Variants in NMNAT2 observed in about 807,000 individuals in gnomAD.
NMNAT2 encodes the protein nicotinamide nucleotide adenylyltransferase 2.
In NMNAT2, 11 loss-of-function variants were observed where a neutral mutation model predicts 41.6. The observed-to-expected ratio is 0.26, with a 90% CI of 0.17 to 0.44. NMNAT2 has a LOEUF of 0.44. Among genes scored for constraint, NMNAT2 ranks in the 20% least tolerant of loss-of-function variants. The pLI is 1.00. For missense variants in NMNAT2, 288 were observed against 407.7 expected (o/e 0.71, Z 2.53); for synonymous variants, 148 against 151.2 (o/e 0.98, Z 0.16).
chr1:183,385,079 T>A (rs553006599), intron 1 of NMNAT2, among the ~76,000 whole-genome samples: 148 of 151,730 alleles, frequency 9.8e-4, no homozygotes, highest in Non-Finnish European at 1.6e-3. Context: ...TAAAAAAAAA[T>A]TAACTGACAC....
intron 1 of NMNAT2, among the ~76,000 whole-genome samples, chr1:183,412,444 C>T (rs1032335082): frequency 2.0e-5 from 3 of 152,152 alleles, no homozygotes; most frequent in East Asian, 1.9e-4. Context: ...AGGATGGTCT[C>T]GATCTCCTGA....
At chr1:183,411,760 A>T (rs1259134247) in intron 1 of NMNAT2, among the ~76,000 whole-genome samples, 1 of 152,152 alleles carries the variant, frequency 6.6e-6, no homozygotes, top group Non-Finnish European at 1.5e-5. Flanking sequence ...AAGAAATAAC[A>T]TGCTTTGTTT....
chr1:183,395,883 G>A (rs911868338), intron 1 of NMNAT2, among the ~76,000 whole-genome samples: 1 of 152,158 alleles, frequency 6.6e-6, no homozygotes, highest in Non-Finnish European at 1.5e-5. Context: ...ATAAAGGTGA[G>A]TGTGGCTTCT....
chr1:183,373,659 C>T (rs1362655254), intron 1 of NMNAT2, among the ~76,000 whole-genome samples: 1 of 151,584 alleles, frequency 6.6e-6, no homozygotes, highest in African/African-American at 2.4e-5. Flanking sequence ...ACTCTGTTGC[C>T]CAGGCTGGAG....
At chr1:183,261,148 G>A in intron 9 of NMNAT2, 54 bp downstream of exon 9, 1 of 1,602,514 alleles carries the variant, frequency 6.2e-7, no homozygotes, top group Admixed American at 1.7e-5. Flanking sequence ...CCAGCTGCCA[G>A]GACTCTCAGA....
At chr1:183,372,751 G>A (rs1008193010) in intron 1 of NMNAT2, among the ~76,000 whole-genome samples, 8 of 152,154 alleles carry the variant, frequency 5.3e-5, no homozygotes, top group South Asian at 2.1e-4. Flanking sequence ...GATCCTGGAC[G>A]GTGACCAAGA....
rs1008115975 is a variant in NMNAT2 at position 183,268,603 on chromosome 1, C to G, written c.652-7300G>C. ...TCCAACCAAGTTGTTCTCAAGCACC[C>G]TTTCACTCAACAAACTTTTATTGAG... On this transcript the variant is annotated intron_variant, in intron 8 of 10. Coordinates refer to ENST00000287713, the MANE Select transcript of NMNAT2 (RefSeq NM_015039.4). Among the ~76,000 whole-genome samples, 15 of 152,202 alleles carry G rather than the reference C, an allele frequency of 9.9e-5. 1 individual carries two copies. The highest frequency in any genetic ancestry group is 1.5e-5 in the Non-Finnish European group (1 of 68,044).
intron 10 of NMNAT2, among the ~76,000 whole-genome samples, chr1:183,258,958 G>T (rs1442978292): frequency 6.6e-6 from 1 of 152,134 alleles, no homozygotes; most frequent in Non-Finnish European, 1.5e-5. Flanking sequence ...ATAAAACTCT[G>T]GTCTCCCGCA....
intron 1 of NMNAT2, among the ~76,000 whole-genome samples, chr1:183,346,345 A>G (rs1360875271): frequency 6.6e-6 from 1 of 152,132 alleles, no homozygotes; most frequent in Admixed American, 6.5e-5. Context: ...TTTCCCAGCC[A>G]TAACCAACAT....
At chr1:183,315,580 A>G (rs1161192446) in intron 1 of NMNAT2, among the ~76,000 whole-genome samples, 1 of 152,032 alleles carries the variant, frequency 6.6e-6, no homozygotes, top group Non-Finnish European at 1.5e-5. Flanking sequence ...TCAGGGGTTC[A>G]AGACCAGCCT....
chr1:183,252,607 A>G lies in NMNAT2; in HGVS notation c.*34T>C. The G allele has an allele frequency of 7.2e-7, 1 of 1,381,652 alleles. No homozygotes were observed. Among genetic ancestry groups the G allele is most frequent in the East Asian group, 2.3e-5 (1 of 43,802 alleles). 85.6% of individuals were successfully genotyped at this position (1,381,652 alleles called of 1,614,324 possible). Reference sequence around the variant, plus strand: ...AGAAACAGGGGGCTGACAAAGATGGAGGGGCCATTGTGTTGCCGGAGGACG... The same window carrying G: ...AGAAACAGGGGGCTGACAAAGATGGGGGGGCCATTGTGTTGCCGGAGGACG... On this transcript the variant is annotated 3_prime_UTR_variant, in exon 11 of 11. Coordinates refer to ENST00000287713, the MANE Select transcript of NMNAT2 (RefSeq NM_015039.4).
intron 1 of NMNAT2, among the ~76,000 whole-genome samples, chr1:183,359,915 G>A (rs545004912): frequency 1.3e-5 from 2 of 152,194 alleles, no homozygotes; most frequent in South Asian, 2.1e-4. Context: ...ATTTTAGAAC[G>A]TTTCTTCTTG....
At chr1:183,274,766 TAA>T (rs34658876) in intron 8 of NMNAT2, among the ~76,000 whole-genome samples, 27 of 125,166 alleles carry the variant, frequency 2.2e-4, no homozygotes, top group Admixed American at 4.8e-4. Flanking sequence ...ACCTTGTCTC[TAA>T]AAAAAAAAAA....
At chr1:183,399,872 C>T (rs1648762450) in intron 1 of NMNAT2, among the ~76,000 whole-genome samples, 1 of 152,088 alleles carries the variant, frequency 6.6e-6, no homozygotes, top group Non-Finnish European at 1.5e-5. Flanking sequence ...GCCCTTCATG[C>T]TAAAAACTCT....
intron 8 of NMNAT2, among the ~76,000 whole-genome samples, chr1:183,268,205 G>A (rs1660870890): frequency 6.6e-6 from 1 of 152,120 alleles, no homozygotes; most frequent in Admixed American, 6.5e-5. Context: ...CCAGGCAGCA[G>A]AGCTCTTGGA....
intron 4 of NMNAT2, among the ~76,000 whole-genome samples, chr1:183,288,366 C>G (rs977534084): frequency 1.3e-5 from 2 of 152,186 alleles, no homozygotes; most frequent in Non-Finnish European, 2.9e-5. Flanking sequence ...CTCATGCTTG[C>G]TAGGTGTTTG....
intron 1 of NMNAT2, among the ~76,000 whole-genome samples, chr1:183,338,909 G>A (rs373930696): frequency 2.0e-5 from 3 of 152,042 alleles, no homozygotes; most frequent in Non-Finnish European, 4.4e-5. Flanking sequence ...ACTCTGTCTC[G>A]GGCTATGAGT....
chr1:183,347,255 A>G (rs530492085), intron 1 of NMNAT2, among the ~76,000 whole-genome samples: 72 of 152,186 alleles, frequency 4.7e-4, no homozygotes, highest in African/African-American at 1.7e-3. Flanking sequence ...GGAGTTTGAG[A>G]CCAGCCTGGG....
At chr1:183,401,232 A>G (rs1648799605) in intron 1 of NMNAT2, among the ~76,000 whole-genome samples, 1 of 152,110 alleles carries the variant, frequency 6.6e-6, no homozygotes, top group Non-Finnish European at 1.5e-5. Context: ...AAATCAAACA[A>G]CCCCGTCAAA....
Sources: gnomAD v4.1 joint callset for allele counts (sites outside exome capture counted in the v4.1 genomes callset) on GRCh38, gnomAD v4.1.1 for gene constraint, MANE v1.5 for transcripts, NCBI Gene and HGNC (gene_info 2026-07-23, HGNC 2026-07-21) for gene names.